The following NCAPG2 variants were observed in gnomAD, a reference collection of about 807,000 sequenced individuals.
NCAPG2 encodes non-SMC condensin II complex subunit G2, also known as condensin-2 complex subunit G2.
A neutral mutation model predicts 141.1 loss-of-function variants in NCAPG2; 53 were observed. The observed-to-expected ratio is 0.38, with a 90% CI of 0.30 to 0.47. The LOEUF (loss-of-function observed/expected upper bound fraction) is 0.47, where lower values mean the gene tolerates loss of function less well. Among genes scored for constraint, NCAPG2 ranks in the 20% least tolerant of loss-of-function variants. NCAPG2 has a pLI of 0.99. For synonymous variants in NCAPG2, 499 were observed against 490.7 expected (o/e 1.02, Z -0.22); for missense variants, 1,087 against 1,389.0 (o/e 0.78, Z 3.46).
chr7:158,690,015 C>A, intron 5 of NCAPG2, 62 bp from the exon 6 acceptor site: 2 of 1,280,534 alleles, frequency 1.6e-6, no homozygotes, highest in South Asian at 2.2e-5. Flanking sequence ...TATTTCAAAT[C>A]AAGTATATTT....
chr7:158,704,504 G>A (rs1836041246), intron 1 of NCAPG2, among the ~76,000 whole-genome samples: 1 of 152,212 alleles, frequency 6.6e-6, no homozygotes, highest in Non-Finnish European at 1.5e-5. Context: ...ACACGGACAA[G>A]AAGGACGGGC....
At chr7:158,698,761 C>T (rs1242990878) in intron 2 of NCAPG2, among the ~76,000 whole-genome samples, 3 of 152,064 alleles carry the variant, frequency 2.0e-5, no homozygotes, top group Non-Finnish European at 2.9e-5. Flanking sequence ...ACTTCCACTT[C>T]CACTTGCTTT....
intron 27 of NCAPG2, chr7:158,640,052 CAAAA>C (rs58368997): frequency 3.1e-5 from 3 of 98,324 alleles, no homozygotes; most frequent in Non-Finnish European, 4.1e-5. Flanking sequence ...GAATAAATGC[CAAAA>C]AAAAAAAAAA....
At chr7:158,676,021 C>T (rs1156304388) in intron 11 of NCAPG2, among the ~76,000 whole-genome samples, 2 of 152,116 alleles carry the variant, frequency 1.3e-5, no homozygotes, top group African/African-American at 4.8e-5. Flanking sequence ...TTTTAGAGCC[C>T]AGAATAAAAT....
At chr7:158,690,505 A>T in intron 5 of NCAPG2, 63 bp downstream of exon 5, 2 of 1,507,690 alleles carry the variant, frequency 1.3e-6, no homozygotes, top group Non-Finnish European at 1.8e-6. Flanking sequence ...TGATCATGCC[A>T]CTGCACTCCA....
rs115011941 is a variant in NCAPG2 at position 158,664,658 on chromosome 7, A to G, written c.1572T>C (p.Asn524=). 2,734 of 1,614,170 alleles carry G rather than the reference A, an allele frequency of 1.7e-3. 34 individuals carry two copies. The African/African-American group carries it at 0.032, about 19-fold the overall frequency. The part of the protein sequence containing the change: ...VSRRLVSLIF[N]SFLPVNQPEE... ...CCGGCTGATTCACAGGCAGGAAAGAATTAAAGATGAGGCTCACCAGGCGCC... is the reference window on the plus strand; with the variant it reads ...CCGGCTGATTCACAGGCAGGAAAGAGTTAAAGATGAGGCTCACCAGGCGCC... The change falls in exon 14 of 28, where the codon AAT becomes AAC. Residue 524 remains asparagine, a synonymous_variant. Transcript: ENST00000356309.
chr7:158,652,475 C>T lies in NCAPG2; in HGVS notation c.2752G>A (p.Gly918Arg). The T allele has an allele frequency of 1.9e-6, 3 of 1,590,976 alleles. No individual in the cohort carries two copies. The highest frequency in any genetic ancestry group is 2.3e-5 in the South Asian group (2 of 87,114). The change falls in exon 23 of 28, where the codon GGA (glycine) becomes AGA (arginine). Residue 918 changes from glycine (G) to arginine (R), a missense_variant. Coordinates refer to ENST00000356309, the MANE Select transcript of NCAPG2 (RefSeq NM_017760.7). Reference sequence around the variant, plus strand: ...AGAAGTAATGAAACATAAAAAAATCCCTTCACTAGAAAGAAAATTGGAATA... The same window carrying T: ...AGAAGTAATGAAACATAAAAAAATCTCTTCACTAGAAAGAAAATTGGAATA... ...RSLGIMQTVK[G>R]FFYVSLLLDI...
At chr7:158,652,608 G>A in intron 22 of NCAPG2, 128 bp from the exon 23 acceptor site, 1 of 772,282 alleles carries the variant, frequency 1.3e-6, no homozygotes, top group South Asian at 1.9e-5. Context: ...GGTATTTGGT[G>A]AGCCAATACC....
chr7:158,657,188 AAG>A (rs1352250718), intron 17 of NCAPG2, among the ~76,000 whole-genome samples: 1 of 152,250 alleles, frequency 6.6e-6, no homozygotes, highest in Non-Finnish European at 1.5e-5. Flanking sequence ...TGAAAACACA[AAG>A]AGAAACAGGT....
At chr7:158,645,642 C>A (rs1213809822) in intron 25 of NCAPG2, 23 bp from the exon 26 acceptor site, 1 of 1,594,442 alleles carries the variant, frequency 6.3e-7, no homozygotes, top group Non-Finnish European at 8.6e-7. Flanking sequence ...CAACAAACAT[C>A]AAAATTACTG....
chr7:158,655,566 C>T (rs1012951000), intron 19 of NCAPG2, 111 bp from the exon 20 acceptor site: 11 of 864,922 alleles, frequency 1.3e-5, no homozygotes, highest in Admixed American at 2.2e-5. Flanking sequence ...GAAAAGACCC[C>T]CGCTCTGGTG....
intron 27 of NCAPG2, among the ~76,000 whole-genome samples, chr7:158,637,346 A>T (rs1230704340): frequency 1.3e-5 from 2 of 152,180 alleles, no homozygotes; most frequent in Non-Finnish European, 2.9e-5. Flanking sequence ...CTAGGAGCCC[A>T]AACCCACCCA....
At chr7:158,636,523 TC>T (rs1271490003) in intron 27 of NCAPG2, among the ~76,000 whole-genome samples, 1 of 151,164 alleles carries the variant, frequency 6.6e-6, no homozygotes, top group Non-Finnish European at 1.5e-5. Context: ...TGCCTCAGCC[TC>T]CCAAGTAGCT....
At chr7:158,665,008 C>A in intron 13 of NCAPG2, 1 of 379,898 alleles carries the variant, frequency 2.6e-6, no homozygotes. Context: ...TTACTTAACA[C>A]CATGATTAAC....
chr7:158,699,926 G>GTTATTTATTTATTTAT (rs146349286), intron 2 of NCAPG2, among the ~76,000 whole-genome samples: 117 of 151,544 alleles, frequency 7.7e-4, no homozygotes, highest in African/African-American at 2.7e-3. Context: ...ATCTCTCTGG[G>GTTATTTATTTATTTAT]TTATTTATTT....
intron 13 of NCAPG2, chr7:158,668,402 C>T (rs1219768579): frequency 2.1e-6 from 2 of 974,844 alleles, no homozygotes; most frequent in South Asian, 4.7e-5. Context: ...TTACCTATTA[C>T]TGTTTTCTGT....
intron 25 of NCAPG2, among the ~76,000 whole-genome samples, chr7:158,646,112 C>T (rs1002147530): frequency 2.6e-5 from 4 of 152,022 alleles, no homozygotes; most frequent in African/African-American, 7.3e-5. Context: ...AAAATGGCAC[C>T]GGTATTTAAC....
chr7:158,702,509 G>T (rs1029506776), intron 1 of NCAPG2, among the ~76,000 whole-genome samples: 1 of 152,186 alleles, frequency 6.6e-6, no homozygotes. Context: ...GAGCTCAGGG[G>T]ACTTTGTATA....
chr7:158,636,402 C>CTT lies in NCAPG2; in HGVS notation c.3381-4687_3381-4686dup, dbSNP rs59810481. On this transcript the variant is annotated intron_variant, in intron 27 of 27. Transcript: ENST00000356309. ...CCTTGGCAACATTATTTCTTTTTTT[C>CTT]TTTTTTTTTTTTTTTTGAGATGGAG... Among the ~76,000 whole-genome samples the CTT allele has an allele frequency of 6.7e-3, 903 of 135,738 alleles. 9 individuals are homozygous for CTT. Among genetic ancestry groups the CTT allele is most frequent in the African/African-American group, 0.021 (762 of 37,068 alleles). 89.0% of individuals were successfully genotyped at this position (135,738 alleles called of 152,430 possible). A position where few individuals can be genotyped will look rare whatever the true frequency, so the allele number is the denominator to read the frequency against.
Sources: allele counts gnomAD v4.1 joint callset (sites outside exome capture counted in the v4.1 genomes callset), GRCh38; gene constraint gnomAD v4.1.1; transcripts MANE v1.5; gene names NCBI Gene and HGNC (gene_info 2026-07-23, HGNC 2026-07-21).